Variants in DENND4A observed in about 807,000 individuals in gnomAD.
DENND4A encodes the protein DENN domain containing 4A.
DENND4A carries 70 observed loss-of-function variants against 199.3 expected under a neutral mutation model. The ratio of observed to expected loss-of-function variants is 0.35; its 90% confidence interval spans 0.29 to 0.43. DENND4A has a LOEUF of 0.43. DENND4A is among the 20% of genes least tolerant of loss of function. The pLI is 1.00. For synonymous variants in DENND4A, 686 were observed against 766.9 expected (o/e 0.89, Z 1.74); for missense variants, 1,723 against 2,255.8 (o/e 0.76, Z 4.78).
At chr15:65,684,938 C>T (rs530687332) in intron 23 of DENND4A, among the ~76,000 whole-genome samples, 1 of 151,798 alleles carries the variant, frequency 6.6e-6, no homozygotes, top group Admixed American at 6.6e-5. Flanking sequence ...GATTCTCCTA[C>T]CTCAGCCTCC....
At chr15:65,729,049 T>C in intron 11 of DENND4A, 23 bp downstream of exon 11, 1 of 1,556,372 alleles carries the variant, frequency 6.4e-7, no homozygotes, top group Non-Finnish European at 8.7e-7. Context: ...AATATACATG[T>C]AGAATCACTA....
rs2075849504 is a variant in DENND4A at position 65,661,778 on chromosome 15, T to C, written c.*73A>G. ...TTTTCAAAAATTGAAGAAAAAATAT[T>C]TAGAGTCTAAAAGTGTTATTTTATA... is the stretch of plus-strand genomic sequence containing the variant. On this transcript the variant is annotated 3_prime_UTR_variant, in exon 33 of 33. Transcript: ENST00000443035. 1 of 1,287,644 alleles carries C rather than the reference T, an allele frequency of 7.8e-7. No individual in the cohort carries two copies. Among genetic ancestry groups the C allele is most frequent in the South Asian group, 1.9e-5 (1 of 53,884 alleles). 79.8% of individuals were successfully genotyped at this position (1,287,644 alleles called of 1,614,324 possible).
intron 2 of DENND4A, among the ~76,000 whole-genome samples, chr15:65,757,878 G>A (rs973573291): frequency 6.6e-6 from 1 of 152,116 alleles, no homozygotes; most frequent in Admixed American, 6.6e-5. Flanking sequence ...CTACTTGGGA[G>A]GCTGAGGCAG....
At chr15:65,771,339 C>CATAA in intron 1 of DENND4A, 1 of 1,589,100 alleles carries the variant, frequency 6.3e-7, no homozygotes, top group Non-Finnish European at 8.6e-7. Flanking sequence ...ATATTAGTCA[C>CATAA]ATAATCTTCC....
At chr15:65,694,974 A>C (rs2077094289) in intron 22 of DENND4A, among the ~76,000 whole-genome samples, 1 of 152,220 alleles carries the variant, frequency 6.6e-6, no homozygotes, top group Non-Finnish European at 1.5e-5. Flanking sequence ...GGCAAGCATG[A>C]ACAGACAGCA....
chr15:65,780,042 A>G (rs1216441194), intron 1 of DENND4A, among the ~76,000 whole-genome samples: 3 of 150,580 alleles, frequency 2.0e-5, no homozygotes, highest in Non-Finnish European at 4.4e-5. Context: ...CCTAGCAGGG[A>G]AAAAAAAAAT....
At chr15:65,772,287 T>G (rs2077154791) in intron 1 of DENND4A, 1 of 531,186 alleles carries the variant, frequency 1.9e-6, no homozygotes, top group Non-Finnish European at 3.3e-6. Flanking sequence ...AATACTGAAA[T>G]GGACATGTAT....
At chr15:65,706,491 CACACAT>C (rs147038732) in intron 14 of DENND4A, among the ~76,000 whole-genome samples, 11,428 of 85,776 alleles carry the variant, frequency 0.13, 603 homozygotes, top group African/African-American at 0.24. Context: ...CACACACACA[CACACAT>C]ATATATATAT....
chr15:65,665,182 A>G (rs2075994282), intron 30 of DENND4A, 163 bp downstream of exon 30: 1 of 559,116 alleles, frequency 1.8e-6, no homozygotes, highest in Admixed American at 3.6e-5. Context: ...GTAGCACTAA[A>G]AAAATCAAAC....
At chr15:65,669,656 GA>G in intron 27 of DENND4A, 122 bp downstream of exon 27, 1 of 797,830 alleles carries the variant, frequency 1.3e-6, no homozygotes, top group Non-Finnish European at 1.9e-6. Flanking sequence ...AAGAATTTAA[GA>G]TTATGAATCT....
chr15:65,679,258 C>T (rs181952274), intron 23 of DENND4A, among the ~76,000 whole-genome samples: 6 of 151,940 alleles, frequency 3.9e-5, no homozygotes, highest in South Asian at 2.1e-4. Flanking sequence ...CATGCCACCA[C>T]GCCCAGCTAA....
chr15:65,706,365 G>A, intron 14 of DENND4A, 141 bp from the exon 15 acceptor site: 4 of 765,188 alleles, frequency 5.2e-6, no homozygotes, highest in Non-Finnish European at 5.6e-6. Context: ...AGTTCTCTAT[G>A]AGTGCCAAAA....
intron 32 of DENND4A, 44 bp downstream of exon 32, chr15:65,664,286 C>T: frequency 9.3e-7 from 1 of 1,078,608 alleles, no homozygotes. Context: ...GAAAACTATT[C>T]CATGATATAT....
At position 65,691,109 on chromosome 15, in the gene DENND4A, G is replaced by C; in HGVS notation, c.3485C>G (p.Pro1162Arg). 2 of 1,613,204 alleles carry C rather than the reference G, an allele frequency of 1.2e-6. No homozygotes were observed. The highest frequency in any genetic ancestry group is 8.5e-7 in the Non-Finnish European group (1 of 1,179,632). ...TAAGTCTTCTAAGTCAAAAATAACAGGAGAATCCACTTTATCTGCCAAATA... is the reference window on the plus strand; with the variant it reads ...TAAGTCTTCTAAGTCAAAAATAACACGAGAATCCACTTTATCTGCCAAATA... ...SNYLADKVDS[P>R]VIFDLEDLDS... The change falls in exon 23 of 33, where the codon CCT becomes CGT. Residue 1162 changes from proline to arginine, a missense_variant. Pro to Arg is a moderately radical substitution (Grantham distance 103). Around this residue, in one of 6 missense-constraint regions of DENND4A, gnomAD observed 650 missense variants for 738.1 expected, o/e 0.88. Transcript: ENST00000443035.
At chr15:65,762,568 G>A (rs144832885) in intron 1 of DENND4A, among the ~76,000 whole-genome samples, 154 of 152,298 alleles carry the variant, frequency 1.0e-3, no homozygotes, top group African/African-American at 3.5e-3. Flanking sequence ...AGCTGAGGCT[G>A]CAGTGAGCCC....
At chr15:65,713,107 T>C (rs969369120) in intron 14 of DENND4A, among the ~76,000 whole-genome samples, 4 of 152,186 alleles carry the variant, frequency 2.6e-5, no homozygotes, top group South Asian at 2.1e-4. Context: ...TACTACTACA[T>C]ACTCCTCAAA....
Position 65,659,318 on chromosome 15 carries a change from T to G in DENND4A, c.*2533A>C. 7.6e-6 allele frequency: 1 copy of G among 132,404 alleles called. No homozygotes were observed. The highest frequency in any genetic ancestry group is 7.8e-5 in the Admixed American group (1 of 12,858). 8.2% of individuals were successfully genotyped at this position (132,404 alleles called of 1,614,324 possible). On this transcript the variant is annotated 3_prime_UTR_variant, in exon 33 of 33. Transcript: ENST00000443035. ...GAGTTATTTTAAATGATTGATATTT[T>G]CTGGTTTTTTTTTTTTTTTTTTTTT...
chr15:65,758,130 A>G (rs901635935), intron 2 of DENND4A, among the ~76,000 whole-genome samples: 5 of 152,214 alleles, frequency 3.3e-5, no homozygotes, highest in African/African-American at 1.2e-4. Context: ...TGCATACACA[A>G]AAGTCTACCA....
Position 65,690,668 on chromosome 15 carries a change from G to C in DENND4A, c.3926C>G (p.Ser1309Cys). 1 of 1,613,672 alleles carries C rather than the reference G, an allele frequency of 6.2e-7. No individual in the cohort carries two copies. Among genetic ancestry groups the C allele is most frequent in the Non-Finnish European group, 8.5e-7 (1 of 1,179,774 alleles). ...CTCCTCACTTTTTGTGTAACTTTTAGATTTGGTAAGTCTCACTGGCTTAGG... is the reference window on the plus strand; with the variant it reads ...CTCCTCACTTTTTGTGTAACTTTTACATTTGGTAAGTCTCACTGGCTTAGG... Reference protein sequence around the residue: ...NSPKPVRLTKSKSYTKSEEKP... With the variant: ...NSPKPVRLTKCKSYTKSEEKP... The change falls in exon 23 of 33, where the codon TCT becomes TGT. Residue 1309 changes from serine (S) to cysteine (C), a missense_variant. Transcript: ENST00000443035.
Sources: gnomAD v4.1 joint callset for allele counts (sites outside exome capture counted in the v4.1 genomes callset) on GRCh38, gnomAD v4.1.1 for gene constraint, gnomAD v4.1.1 regional missense constraint, MANE v1.5 for transcripts, NCBI Gene and HGNC (gene_info 2026-07-23, HGNC 2026-07-21) for gene names.